The following ZFP30 variants were observed in gnomAD, a reference collection of about 807,000 sequenced individuals.
The protein encoded by ZFP30 is ZFP30 zinc finger protein.
Under a neutral mutation model 12.3 loss-of-function variants are expected in ZFP30, and 16 were observed. The observed-to-expected ratio is 1.30, with a 90% CI of 0.88 to 1.98. The LOEUF (loss-of-function observed/expected upper bound fraction) is 1.98. ZFP30 is among the 30% of genes most tolerant of loss of function. The pLI, the probability that ZFP30 is intolerant of heterozygous loss-of-function variation, is 0.00. For synonymous variants in ZFP30, 172 were observed against 201.0 expected (o/e 0.86, Z 1.22); for missense variants, 560 against 611.2 (o/e 0.92, Z 0.88).
chr19:37,644,807 G>A, intron 3 of ZFP30, 71 bp from the exon 4 acceptor site: 2 of 1,482,172 alleles, frequency 1.3e-6, no homozygotes, highest in Non-Finnish European at 9.1e-7. Context: ...AAGGTGGCTG[G>A]GTGTAGTGGC....
chr19:37,639,723 C>T (rs956673064), intron 5 of ZFP30, among the ~76,000 whole-genome samples: 2 of 151,566 alleles, frequency 1.3e-5, no homozygotes, highest in East Asian at 3.9e-4. Context: ...CAAATTAGGA[C>T]AAAATGTCTG....
Position 37,647,742 on chromosome 19 carries a change from T to C in ZFP30, c.9+72A>G, listed in dbSNP as rs984939700. ...GGGGCTCTGTTAGAAAGTTGCAGAA[T>C]AACAAATGAGAATGTTCACATAACC... On this transcript the variant is annotated intron_variant, in intron 3 of 5. Transcript: ENST00000684514. 9.4e-6 allele frequency: 15 copies of C among 1,588,116 alleles called. 1 individual carries two copies. The highest frequency in any genetic ancestry group is 1.1e-5 in the South Asian group (1 of 90,498).
chr19:37,631,441 A>G lies in ZFP30; in HGVS notation c.*3540T>C, dbSNP rs1327240344. ...TGGGAAATGGTTTCAAATGCTATCAAGTTTCATATTCCATTTGAGAAATGG... is the reference window on the plus strand; with the variant it reads ...TGGGAAATGGTTTCAAATGCTATCAGGTTTCATATTCCATTTGAGAAATGG... On this transcript the variant is annotated 3_prime_UTR_variant, in exon 6 of 6. Coordinates refer to ENST00000684514, the MANE Select transcript of ZFP30 (RefSeq NM_001320669.3). The G allele has an allele frequency of 1.3e-5, 2 of 152,224 alleles. No homozygotes were observed. The highest frequency in any genetic ancestry group is 2.9e-5 in the Non-Finnish European group (2 of 68,042). The allele number at this position is 152,224 out of a possible 1,614,324, so 9.4% of individuals were successfully genotyped here.
In ZFP30 at chr19:37,632,262, T is replaced by A. The variant is rs2044245394; in HGVS notation, c.*2719A>T. On this transcript the variant is annotated 3_prime_UTR_variant, in exon 6 of 6. Coordinates refer to ENST00000684514, the MANE Select transcript of ZFP30 (RefSeq NM_001320669.3). ...AAAATAATTCTGGATTTTCAATATTTTAAAATACATGTATAGTGTGTGTAT... is the reference window on the plus strand; with the variant it reads ...AAAATAATTCTGGATTTTCAATATTATAAAATACATGTATAGTGTGTGTAT... 6.6e-6 allele frequency: 1 copy of A among 152,066 alleles called. No individual in the cohort carries two copies. Among genetic ancestry groups the A allele is most frequent in the African/African-American group, 2.4e-5 (1 of 41,420 alleles). 9.4% of individuals were successfully genotyped at this position (152,066 alleles called of 1,614,324 possible).
chr19:37,642,491 C>T (rs929211443), intron 5 of ZFP30, among the ~76,000 whole-genome samples: 2 of 152,110 alleles, frequency 1.3e-5, no homozygotes, highest in African/African-American at 4.8e-5. Flanking sequence ...ATATCCTTAC[C>T]TTACTCACTT....
At chr19:37,641,322 C>T (rs1434610069) in intron 5 of ZFP30, among the ~76,000 whole-genome samples, 1 of 152,182 alleles carries the variant, frequency 6.6e-6, no homozygotes, top group African/African-American at 2.4e-5. Flanking sequence ...ATTCCTTGTA[C>T]TCTTATGTAT....
intron 5 of ZFP30, among the ~76,000 whole-genome samples, chr19:37,643,052 C>CAAAAAAAAAAAA (rs951396776): frequency 4.9e-5 from 3 of 61,366 alleles, no homozygotes; most frequent in Non-Finnish European, 9.3e-5. Context: ...GACTCCGTCT[C>CAAAAAAAAAAAA]AAAAAAAAAA....
Position 37,635,348 on chromosome 19 carries a change from A to AT in ZFP30, c.1192dup (p.Ile398AsnfsTer14). ...TCCAATGTGAATACCCTGATGTGAA[A>AT]TAAGTTCTGAGTAACGACGAAAGAA... On this transcript the variant is annotated frameshift_variant, in exon 6 of 6. Transcript: ENST00000684514. LOFTEE classifies it low-confidence loss of function (END_TRUNC). 6.2e-7 allele frequency: 1 copy of AT among 1,613,208 alleles called. No homozygotes were observed. The highest frequency in any genetic ancestry group is 8.5e-7 in the Non-Finnish European group (1 of 1,179,732).
chr19:37,643,671 G>A (rs1279483171), intron 4 of ZFP30, among the ~76,000 whole-genome samples: 3 of 152,110 alleles, frequency 2.0e-5, no homozygotes, highest in East Asian at 1.9e-4. Flanking sequence ...ACAGTAATGC[G>A]TATATATAGC....
At chr19:37,642,019 T>C (rs1311805501) in intron 5 of ZFP30, among the ~76,000 whole-genome samples, 1 of 152,244 alleles carries the variant, frequency 6.6e-6, no homozygotes, top group African/African-American at 2.4e-5. Flanking sequence ...TTGGCAAAGT[T>C]ACCTCATAGG....
rs868348065 is a variant in ZFP30 at position 37,635,289 on chromosome 19, C to G, written c.1252G>C (p.Ala418Pro). ...KPYECKECGK[A>P]FRLFSQLTQH... Reference sequence around the variant, plus strand: ...GTAAGCTGTGAGAACAGCCTAAATGCCTTCCCACATTCCTTACATTCATAA... The same window carrying G: ...GTAAGCTGTGAGAACAGCCTAAATGGCTTCCCACATTCCTTACATTCATAA... The change falls in exon 6 of 6, where the codon GCA (alanine) becomes CCA (proline). Residue 418 changes from alanine to proline, a missense_variant. Coordinates refer to ENST00000684514, the MANE Select transcript of ZFP30 (RefSeq NM_001320669.3). The G allele has an allele frequency of 6.2e-7, 1 of 1,614,040 alleles. No individual in the cohort carries two copies. The highest frequency in any genetic ancestry group is 8.5e-7 in the Non-Finnish European group (1 of 1,179,962).
intron 2 of ZFP30, among the ~76,000 whole-genome samples, chr19:37,652,001 T>C (rs1380650525): frequency 6.6e-6 from 1 of 152,116 alleles, no homozygotes. Context: ...CTTGAACAGA[T>C]GAAAAAAACT....
Position 37,633,023 on chromosome 19 carries a change from C to G in ZFP30, c.*1958G>C, listed in dbSNP as rs957934636. ...CCATCTCTACTAAAAATACAAAAAT[C>G]AACCTGGTGTGGTGGCGGGCGCCTG... On this transcript the variant is annotated 3_prime_UTR_variant, in exon 6 of 6. Transcript: ENST00000684514. 1 of 151,990 alleles carries G rather than the reference C, an allele frequency of 6.6e-6. No homozygotes were observed. The allele number at this position is 151,990 out of a possible 1,614,324, so 9.4% of individuals were successfully genotyped here.
At chr19:37,653,756 T>C (rs371137726) in intron 2 of ZFP30, among the ~76,000 whole-genome samples, 21 of 152,324 alleles carry the variant, frequency 1.4e-4, no homozygotes, top group African/African-American at 3.4e-4. Context: ...CATGAAATGA[T>C]AGACTTCCTC....
At chr19:37,647,701 G>A in intron 3 of ZFP30, 113 bp downstream of exon 3, 1 of 1,347,722 alleles carries the variant, frequency 7.4e-7, no homozygotes, top group Non-Finnish European at 1.1e-6. Flanking sequence ...GGAAGACTGG[G>A]GAGAAGCTGT....
chr19:37,634,365 T>A lies in ZFP30; in HGVS notation c.*616A>T, dbSNP rs145374058. 3.3e-5 allele frequency: 5 copies of A among 152,302 alleles called. No homozygotes were observed. The East Asian group carries it at 9.6e-4, about 29-fold the overall frequency. 9.4% of individuals were successfully genotyped at this position (152,302 alleles called of 1,614,324 possible). A position where few individuals can be genotyped will look rare whatever the true frequency, so the allele number is the denominator to read the frequency against. On this transcript the variant is annotated 3_prime_UTR_variant, in exon 6 of 6. Coordinates refer to ENST00000684514, the MANE Select transcript of ZFP30 (RefSeq NM_001320669.3). Reference sequence around the variant, plus strand: ...TTTACTCTCTTGCTTTTTGTGAAGTTGAGATGATGAGTGGGTTCAGACGTT... The same window carrying A: ...TTTACTCTCTTGCTTTTTGTGAAGTAGAGATGATGAGTGGGTTCAGACGTT...
chr19:37,634,685 T>TGGTCGCC lies in ZFP30; in HGVS notation c.*295_*296insGGCGACC. On this transcript the variant is annotated 3_prime_UTR_variant, in exon 6 of 6. Transcript: ENST00000684514. Reference sequence around the variant, plus strand: ...AAGTGGTTCCCTAGCAACCTTCGTGTGTATATACACAGATGGAAGAATATG... The same window carrying TGGTCGCC: ...AAGTGGTTCCCTAGCAACCTTCGTGTGGTCGCCGTATATACACAGATGGAAGAATATG... The TGGTCGCC allele has an allele frequency of 3.9e-6, 1 of 255,080 alleles. No homozygotes were observed. The highest frequency in any genetic ancestry group is 1.7e-4 in the South Asian group (1 of 5,966). The allele number at this position is 255,080 out of a possible 1,614,324, so 15.8% of individuals were successfully genotyped here.
intron 2 of ZFP30, among the ~76,000 whole-genome samples, chr19:37,650,563 C>T (rs1303987793): frequency 6.6e-6 from 1 of 152,064 alleles, no homozygotes; most frequent in Non-Finnish European, 1.5e-5. Flanking sequence ...TTAGCCATTC[C>T]TTTTGGTATT....
intron 3 of ZFP30, 136 bp downstream of exon 3, chr19:37,647,678 C>T (rs1045702532): frequency 6.6e-6 from 7 of 1,061,742 alleles, no homozygotes; most frequent in South Asian, 4.2e-5. Flanking sequence ...GGCTCCATCC[C>T]GTGCTGGAAT....
Sources: gnomAD v4.1 joint callset for allele counts (sites outside exome capture counted in the v4.1 genomes callset) on GRCh38, gnomAD v4.1.1 for gene constraint, MANE v1.5 for transcripts, NCBI Gene and HGNC (gene_info 2026-07-23, HGNC 2026-07-21) for gene names.